WDR37: variants seen among roughly 807,000 people sequenced by gnomAD.
WDR37 encodes the protein WD repeat domain 37.
Under a neutral mutation model 62.9 loss-of-function variants are expected in WDR37, and 19 were observed. The observed-to-expected ratio is 0.30, with a 90% CI of 0.21 to 0.44. The LOEUF (loss-of-function observed/expected upper bound fraction) is 0.44. Among genes scored for constraint, WDR37 ranks in the 20% least tolerant of loss-of-function variants. WDR37 has a pLI of 1.00. For missense variants in WDR37, 474 were observed against 657.6 expected (o/e 0.72, Z 3.05); for synonymous variants, 250 against 260.9 (o/e 0.96, Z 0.40).
At chr10:1,068,123 A>T (rs1047492823) in intron 1 of WDR37, among the ~76,000 whole-genome samples, 2 of 152,170 alleles carry the variant, frequency 1.3e-5, no homozygotes, top group African/African-American at 4.8e-5. Context: ...AGGTACAAAC[A>T]TGCAGTATGA....
At position 1,131,603 on chromosome 10, in the gene WDR37, C is replaced by T. The variant is rs1438854270; in HGVS notation, c.*2259C>T. ...AGGAGCCGGGGCACCTTGCTGTTCG[C>T]TGCTGTGTCGTCTTCTAATGTGAGC... is the stretch of plus-strand genomic sequence containing the variant. On this transcript the variant is annotated 3_prime_UTR_variant, in exon 14 of 14. Coordinates refer to ENST00000263150, the MANE Select transcript of WDR37 (RefSeq NM_014023.4). The T allele has an allele frequency of 6.6e-6, 1 of 152,252 alleles. No individual in the cohort carries two copies. The highest frequency in any genetic ancestry group is 2.4e-5 in the African/African-American group (1 of 41,434). The allele number at this position is 152,252 out of a possible 1,614,324, so 9.4% of individuals were successfully genotyped here. A position where few individuals can be genotyped will look rare whatever the true frequency, so the allele number is the denominator to read the frequency against.
chr10:1,107,323 C>A (rs1835057488), intron 11 of WDR37, among the ~76,000 whole-genome samples: 1 of 151,994 alleles, frequency 6.6e-6, no homozygotes, highest in African/African-American at 2.4e-5. Context: ...GAGGGGCCCG[C>A]ATGACTGCCC....
intron 11 of WDR37, 164 bp from the exon 12 acceptor site, chr10:1,124,054 C>G (rs1835666458): frequency 2.5e-6 from 2 of 790,830 alleles, no homozygotes; most frequent in Non-Finnish European, 3.9e-6. Flanking sequence ...TTTTCTTGCA[C>G]TGGTGGAGAG....
Position 1,072,283 on chromosome 10 carries a change from T to C in WDR37, c.128T>C (p.Leu43Ser). ...AGGACGGGACTGCCAAGAGACATGT[T>C]AGAAGGACAAGTAAGCTACGATTGA... ...QERTGLPRDM[L>S]EGQDSKLPSS... The change falls in exon 2 of 14, where the codon TTA becomes TCA. Residue 43 changes from leucine (L) to serine (S), a missense_variant. Leu to Ser is a moderately radical substitution (Grantham distance 145, BLOSUM62 -2). Coordinates refer to ENST00000263150, the MANE Select transcript of WDR37 (RefSeq NM_014023.4). 1 of 1,613,832 alleles carries C rather than the reference T, an allele frequency of 6.2e-7. No individual in the cohort carries two copies.
At chr10:1,110,030 C>T (rs75378149) in intron 11 of WDR37, among the ~76,000 whole-genome samples, 2,380 of 152,278 alleles carry the variant, frequency 0.016, 64 homozygotes, top group African/African-American at 0.054. Context: ...CAGACCTGCC[C>T]GGGCCATGCT....
At position 1,077,932 on chromosome 10, in the gene WDR37, G is replaced by A; in HGVS notation, c.164G>A (p.Arg55His). 1.9e-6 allele frequency: 3 copies of A among 1,611,058 alleles called. No homozygotes were observed. Among genetic ancestry groups the A allele is most frequent in the Admixed American group, 1.7e-5 (1 of 59,528 alleles). Residue 55 changes from arginine (R) to histidine (H), a missense_variant, in exon 3 of 14, where the codon CGC becomes CAC. By Grantham distance (29) the Arg-to-His change is conservative. Transcript: ENST00000263150. The stretch of plus-strand genomic sequence containing the variant: ...GATTCTAAACTGCCTTCCTCGGTTC[G>A]CAGTACACTTCTGGAACTGTTTGGT... ...GQDSKLPSSVRSTLLELFGQI... is the reference protein window; with the variant it reads ...GQDSKLPSSVHSTLLELFGQI...
intron 2 of WDR37, among the ~76,000 whole-genome samples, 174 bp from the exon 3 acceptor site, chr10:1,077,733 A>G (rs538653807): frequency 2.6e-5 from 4 of 152,358 alleles, no homozygotes; most frequent in East Asian, 1.9e-4. Flanking sequence ...TTTGATTTAT[A>G]GTCTCCTTGG....
intron 11 of WDR37, among the ~76,000 whole-genome samples, chr10:1,115,039 T>G (rs1362110635): frequency 3.9e-5 from 6 of 151,990 alleles, no homozygotes; most frequent in Admixed American, 2.0e-4. Context: ...TGTTTTTTTT[T>G]TTTTGTTGTT....
chr10:1,074,931 G>T (rs189456964), intron 2 of WDR37, among the ~76,000 whole-genome samples: 1 of 152,388 alleles, frequency 6.6e-6, no homozygotes, highest in East Asian at 1.9e-4. Context: ...GGCCTGAAGA[G>T]CTGGCTGCTT....
chr10:1,123,605 G>C (rs1306139668), intron 11 of WDR37, among the ~76,000 whole-genome samples: 1 of 152,212 alleles, frequency 6.6e-6, no homozygotes, highest in Non-Finnish European at 1.5e-5. Context: ...ATCTGCTGAT[G>C]GACATGTGGG....
intron 11 of WDR37, among the ~76,000 whole-genome samples, chr10:1,106,030 C>T (rs1003565702): frequency 1.3e-5 from 2 of 152,274 alleles, no homozygotes; most frequent in African/African-American, 4.8e-5. Context: ...CGTGATCCGC[C>T]TGTCTCGGCC....
At chr10:1,064,381 T>C (rs2131605057) in intron 1 of WDR37, among the ~76,000 whole-genome samples, 1 of 152,248 alleles carries the variant, frequency 6.6e-6, no homozygotes, top group Non-Finnish European at 1.5e-5. Context: ...GGGGAAAACG[T>C]GTCTGAAGAA....
chr10:1,085,262 G>A lies in WDR37; in HGVS notation c.532+724G>A, dbSNP rs568309516. ...GTTGGGATTACAGGCGTGAGCCATC[G>A]TGCCTGGCCCTCTTTTTCTTATCCA... On this transcript the variant is annotated intron_variant, in intron 6 of 13. Coordinates refer to ENST00000263150, the MANE Select transcript of WDR37 (RefSeq NM_014023.4). Among the ~76,000 whole-genome samples the A allele has an allele frequency of 3.9e-5, 6 of 152,230 alleles. No individual in the cohort carries two copies. The South Asian group carries it at 6.2e-4, about 16-fold the overall frequency.
chr10:1,105,416 T>G lies in WDR37; in HGVS notation c.1103+149T>G. 8.9e-7 allele frequency: 1 copy of G among 1,125,498 alleles called. No homozygotes were observed. Among genetic ancestry groups the G allele is most frequent in the Middle Eastern group, 2.2e-4 (1 of 4,446 alleles). The allele number at this position is 1,125,498 out of a possible 1,614,324, so 69.7% of individuals were successfully genotyped here. A position where few individuals can be genotyped will look rare whatever the true frequency, so the allele number is the denominator to read the frequency against. ...TACCTTTCAAATTCTGCTATTCTTT[T>G]TCTAAACATTTAGCTCCATTTTGGC... On this transcript the variant is annotated intron_variant, in intron 11 of 13. Coordinates refer to ENST00000263150, the MANE Select transcript of WDR37 (RefSeq NM_014023.4). The surrounding 1 kb of genome is among the most constrained non-coding windows in gnomAD (Gnocchi z 5.3).
chr10:1,080,679 A>G lies in WDR37; in HGVS notation c.396+203A>G, dbSNP rs7084283. 0.4 allele frequency among the ~76,000 whole-genome samples: 60,953 copies of G among 151,934 alleles called. 12,574 individuals are homozygous for G. The highest frequency in any genetic ancestry group is 0.49 in the African/African-American group (20,287 of 41,418). ...CCAGCACTTTGGGAGGCTGAGGTGGATGGATCACTTGAGGTCAGGAGTTTG... is the reference window on the plus strand; with the variant it reads ...CCAGCACTTTGGGAGGCTGAGGTGGGTGGATCACTTGAGGTCAGGAGTTTG... On this transcript the variant is annotated intron_variant, in intron 5 of 13. Coordinates refer to ENST00000263150, the MANE Select transcript of WDR37 (RefSeq NM_014023.4).
chr10:1,126,003 C>T (rs1589127158), intron 13 of WDR37, among the ~76,000 whole-genome samples: 1 of 152,170 alleles, frequency 6.6e-6, no homozygotes, highest in Non-Finnish European at 1.5e-5. Flanking sequence ...TTCAGATTCC[C>T]TGGCGGCTCT....
In WDR37 at chr10:1,105,713, C is replaced by T. The variant is rs900353686; in HGVS notation, c.1103+446C>T. Among the ~76,000 whole-genome samples the T allele has an allele frequency of 2.6e-5, 4 of 152,108 alleles. No homozygotes were observed. The highest frequency in any genetic ancestry group is 4.4e-5 in the Non-Finnish European group (3 of 68,028). On this transcript the variant is annotated intron_variant, in intron 11 of 13. Coordinates refer to ENST00000263150, the MANE Select transcript of WDR37 (RefSeq NM_014023.4). This position sits in a 1 kb window ranked among gnomAD's most constrained non-coding sequence, Gnocchi z 5.3. ...TTCTGGGAGAAGGTATACACATAGA[C>T]GCGCAAACACAGACATAGACCCTCA...
chr10:1,098,666 G>A (rs965378161), intron 9 of WDR37, among the ~76,000 whole-genome samples: 14 of 152,280 alleles, frequency 9.2e-5, no homozygotes, highest in African/African-American at 2.6e-4. Context: ...GTGGGCACGC[G>A]GCAGGATGGC....
intron 11 of WDR37, chr10:1,123,690 A>G (rs1230293849): frequency 2.0e-5 from 3 of 152,832 alleles, no homozygotes; most frequent in Non-Finnish European, 2.9e-5. Flanking sequence ...GGCTGTTTGT[A>G]TATCTTCTTT....
Sources: gnomAD v4.1 joint callset for allele counts (sites outside exome capture counted in the v4.1 genomes callset) on GRCh38, gnomAD v4.1.1 for gene constraint, Gnocchi (gnomAD v3.1) non-coding constraint, MANE v1.5 for transcripts, NCBI Gene and HGNC (gene_info 2026-07-23, HGNC 2026-07-21) for gene names.